Variants in MAP2K6 observed in about 807,000 individuals in gnomAD.
MAP2K6 encodes dual specificity mitogen-activated protein kinase kinase 6.
A neutral mutation model predicts 53.7 loss-of-function variants in MAP2K6; 16 were observed. The ratio of observed to expected loss-of-function variants is 0.30; its 90% CI spans 0.20 to 0.45. MAP2K6 has a LOEUF of 0.45. Among genes scored for constraint, MAP2K6 ranks in the 20% least tolerant of loss-of-function variants. MAP2K6 has a pLI of 1.00. For synonymous variants in MAP2K6, 132 were observed against 143.1 expected (o/e 0.92, Z 0.55); for missense variants, 204 against 411.9 (o/e 0.50, Z 4.37).
At chr17:69,415,365 G>A (rs925977900) in intron 1 of MAP2K6, among the ~76,000 whole-genome samples, 2 of 152,146 alleles carry the variant, frequency 1.3e-5, no homozygotes, top group Non-Finnish European at 2.9e-5. Flanking sequence ...GTATGCAACA[G>A]GAATAGAAAC....
chr17:69,524,085 C>A lies in MAP2K6; in HGVS notation c.663+444C>A, dbSNP rs186466572. Among the ~76,000 whole-genome samples the A allele has an allele frequency of 4.9e-3, 739 of 152,176 alleles. 3 individuals carry two copies. Among genetic ancestry groups the A allele is most frequent in the Non-Finnish European group, 8.1e-3 (552 of 68,006 alleles). On this transcript the variant is annotated intron_variant, in intron 8 of 11. Transcript: ENST00000590474. ...ATCCTATTCATTAGTATTCCACTTTCATGATTCAATCACCCCCCAAAGGCC... is the reference window on the plus strand; with the variant it reads ...ATCCTATTCATTAGTATTCCACTTTAATGATTCAATCACCCCCCAAAGGCC...
chr17:69,460,806 C>T (rs553800725), intron 1 of MAP2K6, among the ~76,000 whole-genome samples: 1 of 152,284 alleles, frequency 6.6e-6, no homozygotes, highest in East Asian at 1.9e-4. Flanking sequence ...CCCCATGTTA[C>T]TCAGGCTGAT....
At chr17:69,419,238 C>G (rs1448863831) in intron 1 of MAP2K6, among the ~76,000 whole-genome samples, 1 of 152,134 alleles carries the variant, frequency 6.6e-6, no homozygotes, top group Non-Finnish European at 1.5e-5. Flanking sequence ...TAAGGAATAC[C>G]TGGAACATAC....
intron 11 of MAP2K6, 81 bp from the exon 12 acceptor site, chr17:69,541,595 A>T (rs1911637666): frequency 5.5e-6 from 6 of 1,081,262 alleles, no homozygotes; most frequent in Non-Finnish European, 8.4e-6. Context: ...CCCTGTACCA[A>T]GCAGATCTAT....
At chr17:69,538,488 T>G (rs1598322083) in intron 11 of MAP2K6, among the ~76,000 whole-genome samples, 1 of 152,362 alleles carries the variant, frequency 6.6e-6, no homozygotes, top group African/African-American at 2.4e-5. Context: ...CCTGCTTTCC[T>G]GTGGAACTGA....
intron 1 of MAP2K6, among the ~76,000 whole-genome samples, chr17:69,450,751 T>C (rs1907194074): frequency 6.6e-6 from 1 of 152,022 alleles, no homozygotes; most frequent in Admixed American, 6.6e-5. Flanking sequence ...TGAGTATACT[T>C]TTTGCCAGTT....
At chr17:69,472,684 A>G (rs1399723568) in intron 1 of MAP2K6, among the ~76,000 whole-genome samples, 2 of 152,082 alleles carry the variant, frequency 1.3e-5, no homozygotes, top group Admixed American at 6.6e-5. Context: ...AATTGGCAAC[A>G]TCATTATCTT....
chr17:69,517,502 C>T lies in MAP2K6; in HGVS notation c.135C>T (p.Asn45=). 1 of 1,585,246 alleles carries T rather than the reference C, an allele frequency of 6.3e-7. No homozygotes were observed. ...SKACISIGNQ[N]FEVKADDLEP... ...ATTATTCCTTTTCTCTCTTGCAGAACTTTGAGGTGAAGGCAGATGACCTGG... is the reference window on the plus strand; with the variant it reads ...ATTATTCCTTTTCTCTCTTGCAGAATTTTGAGGTGAAGGCAGATGACCTGG... Residue 45 remains asparagine, a splice_region_variant and synonymous_variant, in exon 4 of 12, where the codon AAC becomes AAT. Coordinates refer to ENST00000590474, the MANE Select transcript of MAP2K6 (RefSeq NM_002758.4).
intron 1 of MAP2K6, among the ~76,000 whole-genome samples, chr17:69,423,469 T>G (rs902079823): frequency 6.6e-6 from 1 of 152,176 alleles, no homozygotes; most frequent in Admixed American, 6.5e-5. Context: ...CAGAAAATGT[T>G]TGTTGACCCT....
chr17:69,435,043 T>C (rs750736388), intron 1 of MAP2K6: 2 of 152,224 alleles, frequency 1.3e-5, no homozygotes, highest in Non-Finnish European at 2.9e-5. Context: ...GCACTCCAGT[T>C]GGGCTCAAGG....
Position 69,547,802 on chromosome 17 carries a change from T to C in MAP2K6, c.*6049T>C, listed in dbSNP as rs1911934589. 1 of 152,254 alleles carries C rather than the reference T, an allele frequency of 6.6e-6. No homozygotes were observed. Among genetic ancestry groups the C allele is most frequent in the Admixed American group, 6.5e-5 (1 of 15,290 alleles). The allele number at this position is 152,254 out of a possible 1,614,324, so 9.4% of individuals were successfully genotyped here. A position where few individuals can be genotyped will look rare whatever the true frequency, so the allele number is the denominator to read the frequency against. On this transcript the variant is annotated 3_prime_UTR_variant, in exon 12 of 12. Coordinates refer to ENST00000590474, the MANE Select transcript of MAP2K6 (RefSeq NM_002758.4). Reference sequence around the variant, plus strand: ...ATTTACTTCAATTTGGAAATAAATGTCACAGTTCTCTTAGTTGTTAACTGT... The same window carrying C: ...ATTTACTTCAATTTGGAAATAAATGCCACAGTTCTCTTAGTTGTTAACTGT...
At chr17:69,449,553 C>T (rs575569676) in intron 1 of MAP2K6, among the ~76,000 whole-genome samples, 22 of 105,526 alleles carry the variant, frequency 2.1e-4, no homozygotes, top group Non-Finnish European at 2.9e-4. Context: ...TTCTTTCTTT[C>T]TTTCTTTATT....
chr17:69,489,822 C>T (rs1320145102), intron 1 of MAP2K6, among the ~76,000 whole-genome samples: 1 of 152,222 alleles, frequency 6.6e-6, no homozygotes, highest in Non-Finnish European at 1.5e-5. Context: ...AACCCTTAGC[C>T]AGAAGTGTCA....
chr17:69,480,816 T>C (rs1435709447), intron 1 of MAP2K6, among the ~76,000 whole-genome samples: 2 of 152,180 alleles, frequency 1.3e-5, no homozygotes, highest in African/African-American at 4.8e-5. Flanking sequence ...TGGAAAAATT[T>C]AATGGTAGGA....
At chr17:69,436,825 A>G (rs138915091) in intron 1 of MAP2K6, among the ~76,000 whole-genome samples, 14 of 145,574 alleles carry the variant, frequency 9.6e-5, no homozygotes, top group Admixed American at 8.9e-4. Context: ...CTTTTCTTTT[A>G]TTTATTTATT....
rs1911706068 is a variant in MAP2K6, at chr17:69,542,880, G to T, written c.*1127G>T. 6.6e-6 allele frequency: 1 copy of T among 152,220 alleles called. No homozygotes were observed. Among genetic ancestry groups the T allele is most frequent in the African/African-American group, 2.4e-5 (1 of 41,460 alleles). The allele number at this position is 152,220 out of a possible 1,614,324, so 9.4% of individuals were successfully genotyped here. A position where few individuals can be genotyped will look rare whatever the true frequency, so the allele number is the denominator to read the frequency against. On this transcript the variant is annotated 3_prime_UTR_variant, in exon 12 of 12. Transcript: ENST00000590474. ...TAGAAGGGCTAGAATAGGAGAAAAT[G>T]AAAGGTAGTGAGTAATTCTTTGATA...
At position 69,486,188 on chromosome 17, in the gene MAP2K6, A is replaced by G. The variant is rs557999005; in HGVS notation, c.17-19592A>G. Reference sequence around the variant, plus strand: ...TGTTTTTCCACGTTGTGGTACTTGAAGCCCAACGACTGTAATTAGACTCGT... The same window carrying G: ...TGTTTTTCCACGTTGTGGTACTTGAGGCCCAACGACTGTAATTAGACTCGT... On this transcript the variant is annotated intron_variant, in intron 1 of 11. Transcript: ENST00000590474. 6.0e-4 allele frequency among the ~76,000 whole-genome samples: 91 copies of G among 152,306 alleles called. 1 individual carries two copies. The Middle Eastern group carries it at 0.02, about 34-fold the overall frequency.
rs879532445 is a variant in MAP2K6 at position 69,515,160 on chromosome 17, C to CT, written c.84-1681dup. 2.5e-3 allele frequency among the ~76,000 whole-genome samples: 344 copies of CT among 138,698 alleles called. 1 individual carries two copies. The highest frequency in any genetic ancestry group is 6.7e-3 in the African/African-American group (256 of 37,946). The allele number at this position is 138,698 out of a possible 152,430, so 91.0% of individuals were successfully genotyped here. On this transcript the variant is annotated intron_variant, in intron 2 of 11. Transcript: ENST00000590474. The stretch of plus-strand genomic sequence containing the variant: ...TTAACAATTTGTTTCTCGAAATTTG[C>CT]TTTTTTTTTTTTTTAATACAGAGTC...
intron 11 of MAP2K6, among the ~76,000 whole-genome samples, chr17:69,539,313 C>T (rs545733014): frequency 2.5e-4 from 38 of 152,288 alleles, no homozygotes; most frequent in African/African-American, 8.4e-4. Flanking sequence ...GTGTAAAGTC[C>T]TCCCTTCTTG....
Sources: allele counts gnomAD v4.1 joint callset (sites outside exome capture counted in the v4.1 genomes callset), GRCh38; gene constraint gnomAD v4.1.1; transcripts MANE v1.5; gene names NCBI Gene and HGNC (gene_info 2026-07-23, HGNC 2026-07-21).